Variants in CLVS1 observed in about 807,000 individuals in gnomAD.
CLVS1 encodes the protein clavesin-1.
Under a neutral mutation model 33.1 loss-of-function variants are expected in CLVS1, and 10 were observed. The ratio of observed to expected loss-of-function variants is 0.30; its 90% confidence interval spans 0.19 to 0.51. The LOEUF (loss-of-function observed/expected upper bound fraction) is 0.51, where lower values mean the gene tolerates loss of function less well. CLVS1 is among the 20% of genes least tolerant of loss of function. The pLI, the probability that CLVS1 is intolerant of heterozygous loss-of-function variation, is 0.97. For missense variants in CLVS1, 343 were observed against 433.4 expected (o/e 0.79, Z 1.85); for synonymous variants, 163 against 166.1 (o/e 0.98, Z 0.14).
At chr8:61,390,242 A>G (rs1814251211) in intron 3 of CLVS1, among the ~76,000 whole-genome samples, 2 of 152,258 alleles carry the variant, frequency 1.3e-5, no homozygotes, top group African/African-American at 4.8e-5. Flanking sequence ...TTCACTTTAC[A>G]GTAAACAGCT....
At chr8:61,199,688 T>C (rs1393150790) in intron 2 of CLVS1, among the ~76,000 whole-genome samples, 1 of 152,244 alleles carries the variant, frequency 6.6e-6, no homozygotes, top group African/African-American at 2.4e-5. Context: ...CTTCCTCTTT[T>C]CTTCAGGTGT....
At chr8:61,067,547 C>T (rs1208160090) in intron 1 of CLVS1, among the ~76,000 whole-genome samples, 1 of 151,168 alleles carries the variant, frequency 6.6e-6, no homozygotes, top group African/African-American at 2.4e-5. Flanking sequence ...GCAAAAAATC[C>T]ACAATAGTTC....
chr8:61,274,241 C>A (rs1809521661), intron 2 of CLVS1, among the ~76,000 whole-genome samples: 2 of 152,270 alleles, frequency 1.3e-5, no homozygotes, highest in East Asian at 3.9e-4. Flanking sequence ...CTGTAATATT[C>A]ATTCTTTCAG....
chr8:61,195,596 A>C (rs1355288220), intron 2 of CLVS1, among the ~76,000 whole-genome samples: 1 of 151,986 alleles, frequency 6.6e-6, no homozygotes, highest in Non-Finnish European at 1.5e-5. Context: ...ATCATAAATG[A>C]CTGCCATATC....
At chr8:60,969,610 AG>A in the CLVS1 span, among the ~76,000 whole-genome samples, 2 of 152,058 alleles carry the variant, frequency 1.3e-5, no homozygotes, top group African/African-American at 4.8e-5. Context: ...CTTGGCCAAG[AG>A]GGGGTCAGTT....
the CLVS1 span, chr8:60,965,146 G>C: frequency 9.9e-5 from 15 of 152,226 alleles, no homozygotes; most frequent in Admixed American, 2.6e-4. Context: ...CCTTAAAAAG[G>C]GCTATAAACA....
chr8:61,018,687 C>G, the CLVS1 span, among the ~76,000 whole-genome samples: 1 of 152,206 alleles, frequency 6.6e-6, no homozygotes, highest in Non-Finnish European at 1.5e-5. Context: ...ATCATTCCAT[C>G]TACTGGGCTA....
intron 4 of CLVS1, 44 bp from the exon 5 acceptor site, chr8:61,458,263 G>T (rs2129607191): frequency 3.5e-6 from 5 of 1,418,952 alleles, no homozygotes; most frequent in African/African-American, 1.4e-5. Context: ...TTGGTCGTAT[G>T]TTTTGGATTT....
intron 2 of CLVS1, among the ~76,000 whole-genome samples, chr8:61,152,978 C>T (rs1056895394): frequency 6.6e-6 from 1 of 151,960 alleles, no homozygotes; most frequent in Non-Finnish European, 1.5e-5. Context: ...CAGCCCTGGG[C>T]AACATGGTGA....
At chr8:61,455,363 T>C (rs953996047) in intron 4 of CLVS1, among the ~76,000 whole-genome samples, 8 of 152,130 alleles carry the variant, frequency 5.3e-5, no homozygotes, top group Admixed American at 3.9e-4. Context: ...TCTCTCCATT[T>C]CCCCCTACTC....
chr8:61,266,450 T>C (rs1341427039), intron 2 of CLVS1, among the ~76,000 whole-genome samples: 3 of 152,160 alleles, frequency 2.0e-5, no homozygotes, highest in African/African-American at 7.2e-5. Context: ...CACATTCTGC[T>C]TGAGCCAGCA....
intron 2 of CLVS1, among the ~76,000 whole-genome samples, chr8:61,305,333 A>C (rs1810583443): frequency 6.7e-6 from 1 of 149,100 alleles, no homozygotes; most frequent in African/African-American, 2.5e-5. Flanking sequence ...CTCCCTTCCC[A>C]CTCCCCTTCC....
chr8:61,286,871 T>C (rs963490123), upstream of CLVS1, among the ~76,000 whole-genome samples: 1 of 152,266 alleles, frequency 6.6e-6, no homozygotes, highest in Non-Finnish European at 1.5e-5. Context: ...CTGTATTTGA[T>C]ATCTTGCTTT....
chr8:61,092,975 C>T (rs1010956541), intron 1 of CLVS1, among the ~76,000 whole-genome samples: 1 of 152,154 alleles, frequency 6.6e-6, no homozygotes, highest in Admixed American at 6.5e-5. Context: ...ACATCCCAGA[C>T]AACATGGGGG....
At chr8:61,335,154 G>A (rs564538183) in intron 2 of CLVS1, among the ~76,000 whole-genome samples, 2 of 152,272 alleles carry the variant, frequency 1.3e-5, no homozygotes, top group Admixed American at 6.5e-5. Context: ...GCAAAATATT[G>A]GAAGCACTGA....
At chr8:61,123,771 T>C (rs1805921622) in intron 1 of CLVS1, among the ~76,000 whole-genome samples, 1 of 152,158 alleles carries the variant, frequency 6.6e-6, no homozygotes. Flanking sequence ...TGACCCCTGC[T>C]CACTCAGCCA....
At chr8:61,225,123 C>T (rs1050050593) in intron 2 of CLVS1, among the ~76,000 whole-genome samples, 1 of 152,004 alleles carries the variant, frequency 6.6e-6, no homozygotes, top group South Asian at 2.1e-4. Context: ...TTGAGACCAG[C>T]CCGACCAACA....
In CLVS1 at chr8:61,232,041, T is replaced by TTTTTG. The variant is rs1808454347; in HGVS notation, c.-151-67632_-151-67631insGTTTT. On this transcript the variant is annotated intron_variant, in intron 2 of 2. Transcript: ENST00000522621. ...AGTTGTGGTTTTTTTTTTTTTTTTT[T>TTTTTG]TTTTTTTTTGTGAGATGGAGTCTCG... is the stretch of plus-strand genomic sequence containing the variant. Among the ~76,000 whole-genome samples, 55 of 116,012 alleles carry TTTTTG rather than the reference T, an allele frequency of 4.7e-4. 2 individuals carry two copies. The highest frequency in any genetic ancestry group is 2.1e-3 in the African/African-American group (44 of 20,990). The allele number at this position is 116,012 out of a possible 152,430, so 76.1% of individuals were successfully genotyped here.
intron 2 of CLVS1, among the ~76,000 whole-genome samples, chr8:61,357,597 C>A (rs569028772): frequency 6.8e-6 from 1 of 148,060 alleles, no homozygotes; most frequent in South Asian, 2.2e-4. Context: ...CCTTCCCCTC[C>A]TAGGTTCAAG....
Sources: allele counts gnomAD v4.1 joint callset (sites outside exome capture counted in the v4.1 genomes callset), GRCh38; gene constraint gnomAD v4.1.1; transcripts MANE v1.5; gene names NCBI Gene and HGNC (gene_info 2026-07-23, HGNC 2026-07-21).